CTCF: variants seen among roughly 807,000 people sequenced by gnomAD.
CTCF encodes the protein CCCTC-binding factor.
Under a neutral mutation model 72.3 loss-of-function variants are expected in CTCF, and 7 were observed. The observed-to-expected ratio is 0.10, with a 90% CI of 0.06 to 0.18. The LOEUF is 0.18. Ranked by LOEUF, CTCF falls within the 10% of genes least tolerant of loss-of-function variation. The pLI is 1.00. For missense variants in CTCF, 516 were observed against 949.1 expected, an observed-to-expected ratio of 0.54 and a Z score of 6.00; for synonymous variants, 374 against 315.8, an observed-to-expected ratio of 1.18 and a Z score of -1.95.
intron 5 of CTCF, among the ~76,000 whole-genome samples, chr16:67,619,571 C>A (rs774735643): frequency 1.3e-5 from 2 of 152,058 alleles, no homozygotes; most frequent in East Asian, 3.9e-4. Context: ...ATGTTCAAAA[C>A]GCTTTTTGGA....
chr16:67,594,970 G>GAT (rs2051792724), intron 2 of CTCF, among the ~76,000 whole-genome samples: 1 of 152,168 alleles, frequency 6.6e-6, no homozygotes, highest in African/African-American at 2.4e-5. Context: ...ATCAGATACT[G>GAT]ATATAGAAGA....
At chr16:67,602,191 A>G (rs1283835960) in intron 2 of CTCF, among the ~76,000 whole-genome samples, 1 of 152,090 alleles carries the variant, frequency 6.6e-6, no homozygotes, top group African/African-American at 2.4e-5. Flanking sequence ...TAACATTTTA[A>G]GTTTTCAAAT....
At chr16:67,602,106 C>T (rs1017236518) in intron 2 of CTCF, among the ~76,000 whole-genome samples, 2 of 152,066 alleles carry the variant, frequency 1.3e-5, no homozygotes, top group African/African-American at 2.4e-5. Context: ...TCAGGTGATC[C>T]GCCTGCCTCG....
chr16:67,575,329 T>G (rs1011926013), intron 2 of CTCF, among the ~76,000 whole-genome samples: 1 of 152,098 alleles, frequency 6.6e-6, no homozygotes. Flanking sequence ...CCCAGCACTT[T>G]GGGAGGATGA....
chr16:67,604,727 A>G (rs1302780715), intron 2 of CTCF, among the ~76,000 whole-genome samples: 2 of 130,928 alleles, frequency 1.5e-5, no homozygotes, highest in Non-Finnish European at 3.1e-5. Context: ...TAATTTCACC[A>G]GGGTTTTTTT....
chr16:67,601,824 C>T (rs1011237105), intron 2 of CTCF, among the ~76,000 whole-genome samples: 1 of 149,928 alleles, frequency 6.7e-6, no homozygotes, highest in Admixed American at 6.7e-5. Flanking sequence ...GTTTATAATT[C>T]TGTGACCTCT....
chr16:67,582,425 G>A (rs1022707325), intron 2 of CTCF, among the ~76,000 whole-genome samples: 1 of 152,036 alleles, frequency 6.6e-6, no homozygotes, highest in South Asian at 2.1e-4. Context: ...AGGCAGGGTG[G>A]CTCATGCCTG....
chr16:67,630,217 T>C (rs2052346195), intron 10 of CTCF, among the ~76,000 whole-genome samples: 1 of 152,224 alleles, frequency 6.6e-6, no homozygotes, highest in Non-Finnish European at 1.5e-5. Flanking sequence ...CTGGTCTAGA[T>C]AAGAGCAGTG....
chr16:67,613,872 T>A (rs2052093824), intron 4 of CTCF, among the ~76,000 whole-genome samples: 1 of 152,164 alleles, frequency 6.6e-6, no homozygotes, highest in Non-Finnish European at 1.5e-5. Flanking sequence ...GTCTTCAGCT[T>A]TGAAAGTAAG....
chr16:67,581,163 C>G (rs2051575967), intron 2 of CTCF, among the ~76,000 whole-genome samples: 1 of 147,366 alleles, frequency 6.8e-6, no homozygotes, highest in African/African-American at 2.5e-5. Flanking sequence ...CTGCTGACCT[C>G]CTGATCCACC....
chr16:67,604,887 C>G (rs1178855984), intron 2 of CTCF, among the ~76,000 whole-genome samples: 2 of 145,870 alleles, frequency 1.4e-5, no homozygotes, highest in African/African-American at 5.1e-5. Flanking sequence ...GATAATCTGT[C>G]TGAACAGTAC....
At chr16:67,600,087 A>G (rs2051866784) in intron 2 of CTCF, among the ~76,000 whole-genome samples, 1 of 152,050 alleles carries the variant, frequency 6.6e-6, no homozygotes, top group Admixed American at 6.6e-5. Flanking sequence ...TGCCAGAGAA[A>G]CTGAGATTTA....
intron 2 of CTCF, among the ~76,000 whole-genome samples, chr16:67,598,254 G>A (rs771214332): frequency 3.3e-5 from 5 of 152,146 alleles, no homozygotes; most frequent in Non-Finnish European, 7.3e-5. Context: ...CTAGCAGTCA[G>A]GTGTGAGTCA....
At chr16:67,572,664 A>G (rs2142718379) in intron 2 of CTCF, 1 of 152,298 alleles carries the variant, frequency 6.6e-6, no homozygotes, top group East Asian at 1.9e-4. Context: ...TTGGAAGGCC[A>G]AGGCCTCCAA....
At chr16:67,593,578 A>G (rs2051774045) in intron 2 of CTCF, among the ~76,000 whole-genome samples, 1 of 152,242 alleles carries the variant, frequency 6.6e-6, no homozygotes, top group Admixed American at 6.6e-5. Flanking sequence ...GAGGGTTCGT[A>G]TCAACCTCTG....
chr16:67,568,909 C>T (rs993513560), intron 1 of CTCF, among the ~76,000 whole-genome samples: 8 of 152,046 alleles, frequency 5.3e-5, no homozygotes, highest in Admixed American at 3.3e-4. Context: ...GTGATCTTGG[C>T]TCACTGAAAC....
intron 2 of CTCF, among the ~76,000 whole-genome samples, chr16:67,605,910 A>C (rs1296260837): frequency 6.6e-6 from 1 of 152,180 alleles, no homozygotes; most frequent in Non-Finnish European, 1.5e-5. Flanking sequence ...CATAAATCTG[A>C]ATAGGTTATC....
chr16:67,593,557 T>C (rs2051773634), intron 2 of CTCF, among the ~76,000 whole-genome samples: 1 of 152,302 alleles, frequency 6.6e-6, no homozygotes, highest in Admixed American at 6.5e-5. Flanking sequence ...CTCTGCCTTC[T>C]TATGATGTCT....
At chr16:67,636,111 C>T (rs1217614830) in intron 10 of CTCF, among the ~76,000 whole-genome samples, 3 of 152,118 alleles carry the variant, frequency 2.0e-5, no homozygotes, top group African/African-American at 4.8e-5. Flanking sequence ...CACGTTGGCT[C>T]ATGCCTGTAA....
Sources: allele counts gnomAD v4.1 joint callset (sites outside exome capture counted in the v4.1 genomes callset), GRCh38; gene constraint gnomAD v4.1.1; transcripts MANE v1.5; gene names NCBI Gene and HGNC (gene_info 2026-07-23, HGNC 2026-07-21).